SLC35F3: variants seen among roughly 807,000 people sequenced by gnomAD.
SLC35F3 encodes the protein solute carrier family 35 member F3.
A neutral mutation model predicts 49.9 loss-of-function variants in SLC35F3; 25 were observed. The observed-to-expected ratio is 0.50, with a 90% confidence interval of 0.37 to 0.70. SLC35F3 has a LOEUF of 0.70. SLC35F3 is among the 30% of genes least tolerant of loss of function. The pLI is 0.00. For synonymous variants in SLC35F3, 275 were observed against 265.4 expected (o/e 1.04, Z -0.35); for missense variants, 525 against 639.8 (o/e 0.82, Z 1.94).
chr1:233,963,597 G>A (rs914087416), intron 2 of SLC35F3, among the ~76,000 whole-genome samples: 12 of 152,018 alleles, frequency 7.9e-5, no homozygotes, highest in Admixed American at 3.9e-4. Flanking sequence ...CACCGTGCCC[G>A]GCCAGGGCAG....
chr1:234,292,350 C>G lies in SLC35F3; in HGVS notation c.609-16751C>G, dbSNP rs1282160093. Among the ~76,000 whole-genome samples, 4 of 152,204 alleles carry G rather than the reference C, an allele frequency of 2.6e-5. No homozygotes were observed. In the South Asian group the frequency reaches 8.3e-4, roughly 31 times the overall value. ...AACATGGTCAGGGAAGATTTTGACT[C>G]CCTTGACCCACTTATGCCTAGTGTT... is the stretch of plus-strand genomic sequence containing the variant. On this transcript the variant is annotated intron_variant, in intron 3 of 7. Transcript: ENST00000366618.
intron 2 of SLC35F3, among the ~76,000 whole-genome samples, chr1:234,034,949 G>T (rs1664119611): frequency 6.6e-6 from 1 of 152,088 alleles, no homozygotes; most frequent in Non-Finnish European, 1.5e-5. Flanking sequence ...TCCAAACTCT[G>T]CACCAATTTT....
intron 2 of SLC35F3, among the ~76,000 whole-genome samples, chr1:234,119,299 A>ATT (rs34256875): frequency 1.1e-4 from 16 of 140,202 alleles, no homozygotes; most frequent in African/African-American, 3.7e-4. Context: ...ATTCATGGTG[A>ATT]TTTTTTTTTT....
At chr1:234,255,992 C>T (rs188855874) in intron 3 of SLC35F3, among the ~76,000 whole-genome samples, 1 of 152,072 alleles carries the variant, frequency 6.6e-6, no homozygotes, top group African/African-American at 2.4e-5. Context: ...GTTCATCAAT[C>T]ATAACAAATG....
intron 2 of SLC35F3, among the ~76,000 whole-genome samples, chr1:234,118,647 C>T (rs1665528645): frequency 6.6e-6 from 1 of 152,110 alleles, no homozygotes; most frequent in African/African-American, 2.4e-5. Flanking sequence ...AATCCTGGCT[C>T]TATGTGATTC....
intron 2 of SLC35F3, among the ~76,000 whole-genome samples, chr1:234,078,264 TTCC>T (rs924162521): frequency 1.3e-5 from 2 of 152,138 alleles, no homozygotes; most frequent in South Asian, 2.1e-4. Flanking sequence ...CTTCCTCTTC[TTCC>T]TCCTCCTCCT....
At position 233,905,653 on chromosome 1, in the gene SLC35F3, G is replaced by T. The variant is rs769842963; in HGVS notation, c.178G>T (p.Val60Leu). Residue 60 changes from valine to leucine, a missense_variant, in exon 2 of 8, where the codon GTG (valine) becomes TTG (leucine). Physicochemically the swap from Val to Leu is conservative, Grantham distance 32 (BLOSUM62 1). Around this residue, in one of 4 missense-constraint regions of SLC35F3, gnomAD observed 228 missense variants for 218.9 expected, o/e 1.04. Transcript: ENST00000366618. ...GGAGGATCTGAAATGGTCGCGCTCC[G>T]TGGAGGATCTCACCAGCGGGCCGGT... ...IKEDLKWSRS[V>L]EDLTSGPVGL... 6 of 1,614,070 alleles carry T rather than the reference G, an allele frequency of 3.7e-6. No individual in the cohort carries two copies. The highest frequency in any genetic ancestry group is 4.5e-5 in the East Asian group (2 of 44,888).
intron 2 of SLC35F3, among the ~76,000 whole-genome samples, chr1:234,055,823 T>C (rs1664449024): frequency 6.6e-6 from 1 of 152,262 alleles, no homozygotes; most frequent in Non-Finnish European, 1.5e-5. Context: ...TTACTCATCT[T>C]TTACTAGGCT....
At chr1:234,232,534 AAAAAAAG>A (rs1222285503) in intron 3 of SLC35F3, among the ~76,000 whole-genome samples, 7 of 150,986 alleles carry the variant, frequency 4.6e-5, no homozygotes, top group Admixed American at 1.3e-4. Context: ...AAAAAAAAAA[AAAAAAAG>A]AAAAAGAAAA....
chr1:234,251,637 G>A (rs1277741240), intron 3 of SLC35F3, among the ~76,000 whole-genome samples: 1 of 152,066 alleles, frequency 6.6e-6, no homozygotes, highest in Non-Finnish European at 1.5e-5. Context: ...CAATTAAAAT[G>A]TCCAAATGTT....
At chr1:233,982,818 A>T (rs916604838) in intron 2 of SLC35F3, among the ~76,000 whole-genome samples, 1 of 152,144 alleles carries the variant, frequency 6.6e-6, no homozygotes, top group Non-Finnish European at 1.5e-5. Context: ...CGGGAGGGAG[A>T]CGTTAACAAC....
intron 2 of SLC35F3, among the ~76,000 whole-genome samples, chr1:234,163,833 G>A (rs1666269827): frequency 6.6e-6 from 1 of 151,974 alleles, no homozygotes; most frequent in South Asian, 2.1e-4. Flanking sequence ...CCTCCTACGG[G>A]GTTTCCCCTT....
intron 2 of SLC35F3, among the ~76,000 whole-genome samples, chr1:234,029,330 C>T (rs572646753): frequency 7.9e-5 from 12 of 152,136 alleles, no homozygotes; most frequent in Non-Finnish European, 1.5e-4. Context: ...GGAGCATTCC[C>T]GCAGATGGCA....
chr1:234,126,738 T>A (rs984239297), intron 2 of SLC35F3, among the ~76,000 whole-genome samples: 9 of 152,310 alleles, frequency 5.9e-5, no homozygotes, highest in African/African-American at 2.2e-4. Context: ...TCACCCAGGC[T>A]GGAGTGGAGT....
chr1:234,047,680 T>C (rs564884872), intron 2 of SLC35F3, among the ~76,000 whole-genome samples: 64 of 143,004 alleles, frequency 4.5e-4, no homozygotes, highest in Non-Finnish European at 8.7e-4. Context: ...ATCATACACA[T>C]ACACACACAC....
Position 233,920,828 on chromosome 1 carries a change from G to A in SLC35F3, c.283+15070G>A, listed in dbSNP as rs115102574. 4.4e-3 allele frequency among the ~76,000 whole-genome samples: 670 copies of A among 152,330 alleles called. 3 individuals carry two copies. Among genetic ancestry groups the A allele is most frequent in the African/African-American group, 0.015 (615 of 41,564 alleles). ...AGGCGGCCTTTAAGAGTTGAGGGCA[G>A]CCTCTGACCAAGAGCCAGCAAAAAT... is the stretch of plus-strand genomic sequence containing the variant. On this transcript the variant is annotated intron_variant, in intron 2 of 7. Coordinates refer to ENST00000366618, the MANE Select transcript of SLC35F3 (RefSeq NM_173508.4).
Position 234,001,191 on chromosome 1 carries a change from T to C in SLC35F3, c.283+95433T>C, listed in dbSNP as rs1027865072. On this transcript the variant is annotated intron_variant, in intron 2 of 7. Transcript: ENST00000366618. ...AGGCAAACATCTGTGGACCTCAAAG[T>C]GTTCACACTTTCAGAGATTTTGTCA... 9.2e-5 allele frequency among the ~76,000 whole-genome samples: 14 copies of C among 152,314 alleles called. 1 individual carries two copies. Among genetic ancestry groups the C allele is most frequent in the African/African-American group, 2.9e-4 (12 of 41,578 alleles).
At chr1:234,041,451 C>A (rs1488930037) in intron 2 of SLC35F3, among the ~76,000 whole-genome samples, 1 of 151,898 alleles carries the variant, frequency 6.6e-6, no homozygotes, top group Non-Finnish European at 1.5e-5. Context: ...AGAATCCAGT[C>A]ACATGCACCC....
chr1:233,921,341 C>T (rs368037930), intron 2 of SLC35F3, among the ~76,000 whole-genome samples: 1 of 152,182 alleles, frequency 6.6e-6, no homozygotes, highest in Non-Finnish European at 1.5e-5. Context: ...TTTAACATCA[C>T]CCACTAGACG....
Sources: allele counts gnomAD v4.1 joint callset (sites outside exome capture counted in the v4.1 genomes callset), GRCh38; gene constraint gnomAD v4.1.1; regional missense constraint gnomAD v4.1.1; transcripts MANE v1.5; gene names NCBI Gene and HGNC (gene_info 2026-07-23, HGNC 2026-07-21).